BRD10: variants seen among roughly 807,000 people sequenced by gnomAD.
BRD10 encodes uncharacterized bromodomain-containing protein 10.
chr9:6,007,712 C>T, the BRD10 span: 1 of 1,604,134 alleles, frequency 6.2e-7, no homozygotes, highest in Non-Finnish European at 8.5e-7. Context: ...TCGTCGTCCT[C>T]TCCTTCGGCC....
chr9:5,920,356 G>A, the BRD10 span: 1 of 1,613,800 alleles, frequency 6.2e-7, no homozygotes, highest in Non-Finnish European at 8.5e-7. Flanking sequence ...AAGGTGTACT[G>A]GTATTGATGA....
At chr9:5,945,912 A>C in the BRD10 span, among the ~76,000 whole-genome samples, 3 of 152,114 alleles carry the variant, frequency 2.0e-5, no homozygotes, top group Non-Finnish European at 1.5e-5. Flanking sequence ...ATTAAAAAAA[A>C]ACTGTACTTA....
chr9:5,982,617 A>G, the BRD10 span, among the ~76,000 whole-genome samples: 10 of 152,208 alleles, frequency 6.6e-5, no homozygotes, highest in African/African-American at 2.4e-4. Context: ...CATCAGCAAG[A>G]TGACTACCAG....
At chr9:5,928,174 A>G in the BRD10 span, among the ~76,000 whole-genome samples, 1 of 152,146 alleles carries the variant, frequency 6.6e-6, no homozygotes. Context: ...CATACTCCAC[A>G]TATCCAATCC....
At chr9:5,998,508 T>G in the BRD10 span, among the ~76,000 whole-genome samples, 1 of 152,236 alleles carries the variant, frequency 6.6e-6, no homozygotes, top group African/African-American at 2.4e-5. Context: ...TTCTCTCCAG[T>G]CTGTCTCTCA....
chr9:6,007,234 A>G, the BRD10 span: 1 of 1,613,586 alleles, frequency 6.2e-7, no homozygotes, highest in Non-Finnish European at 8.5e-7. Flanking sequence ...CATCATCTCC[A>G]GCTTCTGGCC....
At chr9:5,956,133 A>G in the BRD10 span, among the ~76,000 whole-genome samples, 2 of 152,034 alleles carry the variant, frequency 1.3e-5, no homozygotes, top group Non-Finnish European at 2.9e-5. Context: ...TTAAAAAAAA[A>G]GCGCCATTTG....
chr9:5,953,583 T>C, the BRD10 span, among the ~76,000 whole-genome samples: 2 of 152,052 alleles, frequency 1.3e-5, no homozygotes, highest in African/African-American at 2.4e-5. Flanking sequence ...ATTTCTACAG[T>C]GCCCAAATAA....
chr9:6,003,287 T>C, the BRD10 span, among the ~76,000 whole-genome samples: 1 of 152,242 alleles, frequency 6.6e-6, no homozygotes, highest in African/African-American at 2.4e-5. Context: ...ATCTTCAGCC[T>C]ACATGGCAAT....
the BRD10 span, among the ~76,000 whole-genome samples, chr9:5,952,000 CTTATTTAT>C: frequency 1.1e-3 from 135 of 128,002 alleles, no homozygotes; most frequent in East Asian, 1.8e-3. Context: ...CAGGAAGAGA[CTTATTTAT>C]TTATTTATTT....
At chr9:5,891,487 A>G in the BRD10 span, among the ~76,000 whole-genome samples, 9 of 152,186 alleles carry the variant, frequency 5.9e-5, no homozygotes, top group African/African-American at 2.2e-4. Context: ...ATGTGTCGAA[A>G]TCCCCACTCT....
chr9:5,914,937 T>C, the BRD10 span, among the ~76,000 whole-genome samples: 1 of 152,030 alleles, frequency 6.6e-6, no homozygotes, highest in Non-Finnish European at 1.5e-5. Flanking sequence ...TGAATAACAA[T>C]ATGTACCTCA....
the BRD10 span, among the ~76,000 whole-genome samples, chr9:6,000,176 G>C: frequency 2.0e-5 from 3 of 151,922 alleles, no homozygotes; most frequent in Admixed American, 1.3e-4. Context: ...TTTTCAAAGT[G>C]TACATACTTA....
the BRD10 span, among the ~76,000 whole-genome samples, chr9:5,984,595 A>C: frequency 6.6e-6 from 1 of 152,238 alleles, no homozygotes; most frequent in African/African-American, 2.4e-5. Flanking sequence ...CTATGCATCT[A>C]ATAGCACAGT....
the BRD10 span, among the ~76,000 whole-genome samples, chr9:5,992,171 AT>A: frequency 6.6e-6 from 1 of 152,082 alleles, no homozygotes. Flanking sequence ...TATAATTACT[AT>A]TTTTTTGGTA....
the BRD10 span, among the ~76,000 whole-genome samples, chr9:5,901,341 A>AT: frequency 2.6e-5 from 4 of 152,178 alleles, no homozygotes; most frequent in Admixed American, 2.0e-4. Context: ...TTAACTGTTG[A>AT]TTTTTTGTAC....
At chr9:5,968,124 TTCTCTG>T in the BRD10 span, 1 of 1,577,574 alleles carries the variant, frequency 6.3e-7, no homozygotes, top group Non-Finnish European at 8.6e-7. Flanking sequence ...CCTTCACGCT[TTCTCTG>T]TAAGTTTTCA....
At chr9:5,898,569 T>C in the BRD10 span, among the ~76,000 whole-genome samples, 1 of 152,180 alleles carries the variant, frequency 6.6e-6, no homozygotes, top group Non-Finnish European at 1.5e-5. Flanking sequence ...CATAGCAGAC[T>C]TGGGTACCTG....
At chr9:5,903,790 T>C in the BRD10 span, among the ~76,000 whole-genome samples, 1 of 152,192 alleles carries the variant, frequency 6.6e-6, no homozygotes, top group Non-Finnish European at 1.5e-5. Context: ...GAAATCTCCT[T>C]CTGAAACTAA....
Sources: gnomAD v4.1 joint callset for allele counts (sites outside exome capture counted in the v4.1 genomes callset) on GRCh38, gnomAD v4.1.1 for gene constraint, MANE v1.5 for transcripts, NCBI Gene and HGNC (gene_info 2026-07-23, HGNC 2026-07-21) for gene names.